The following CCSER1 variants were observed in gnomAD, a reference collection of about 807,000 sequenced individuals.
CCSER1 encodes coiled-coil serine rich protein 1.
CCSER1 carries 41 observed loss-of-function variants against 82.0 expected under a neutral mutation model. The observed-to-expected ratio is 0.50, with a 90% CI of 0.39 to 0.65. The LOEUF is 0.65. Ranked by LOEUF, CCSER1 falls within the 30% of genes least tolerant of loss-of-function variation. The pLI is 0.00. For synonymous variants in CCSER1, 414 were observed against 383.9 expected (o/e 1.08, Z -0.92); for missense variants, 1,119 against 1,064.2 (o/e 1.05, Z -0.72).
At chr4:91,048,193 A>G (rs1000778151) in intron 9 of CCSER1, among the ~76,000 whole-genome samples, 4 of 152,068 alleles carry the variant, frequency 2.6e-5, no homozygotes, top group African/African-American at 7.2e-5. Flanking sequence ...AGAATTACTT[A>G]GCAAGATAGA....
At chr4:90,779,953 C>G (rs1753521961) in intron 7 of CCSER1, among the ~76,000 whole-genome samples, 1 of 152,100 alleles carries the variant, frequency 6.6e-6, no homozygotes, top group Non-Finnish European at 1.5e-5. Context: ...ATATGTGGGC[C>G]TTTGATGATT....
At chr4:90,213,159 A>G (rs1289572197) in intron 1 of CCSER1, among the ~76,000 whole-genome samples, 1 of 152,200 alleles carries the variant, frequency 6.6e-6, no homozygotes, top group African/African-American at 2.4e-5. Flanking sequence ...TAATCAGGAG[A>G]AAGCAATGGT....
intron 1 of CCSER1, among the ~76,000 whole-genome samples, chr4:90,258,959 T>C (rs1293482720): frequency 6.6e-6 from 1 of 152,184 alleles, no homozygotes; most frequent in East Asian, 1.9e-4. Context: ...GCTTTGGTTA[T>C]GTGGGCTCTT....
intron 9 of CCSER1, among the ~76,000 whole-genome samples, chr4:91,060,263 G>A (rs998391344): frequency 2.0e-5 from 3 of 152,018 alleles, no homozygotes; most frequent in Non-Finnish European, 4.4e-5. Context: ...ATTATCAAGT[G>A]TAGCTAAGTA....
intron 10 of CCSER1, among the ~76,000 whole-genome samples, chr4:91,397,012 G>A (rs935911600): frequency 1.3e-5 from 2 of 151,978 alleles, no homozygotes; most frequent in African/African-American, 2.4e-5. Context: ...GCCTAGCCAA[G>A]CAACCAAGCT....
intron 5 of CCSER1, among the ~76,000 whole-genome samples, chr4:90,524,462 T>TTTG (rs1209688192): frequency 6.6e-6 from 1 of 152,140 alleles, no homozygotes; most frequent in African/African-American, 2.4e-5. Flanking sequence ...GATTGTTTTT[T>TTTG]TTGTTGTTGT....
Position 90,303,396 on chromosome 4 carries a change from A to G in CCSER1, c.-41-4848A>G, listed in dbSNP as rs571763717. 8.5e-5 allele frequency among the ~76,000 whole-genome samples: 13 copies of G among 152,270 alleles called. No individual in the cohort carries two copies. The South Asian group carries it at 2.7e-3, about 32-fold the overall frequency. On this transcript the variant is annotated intron_variant, in intron 1 of 10. Transcript: ENST00000509176. Reference sequence around the variant, plus strand: ...GGAGGCATCACACTACCTGACTTCAAACTATACTACAAGGCTACAGTAACC... The same window carrying G: ...GGAGGCATCACACTACCTGACTTCAGACTATACTACAAGGCTACAGTAACC...
At chr4:90,271,815 G>C in intron 1 of CCSER1, among the ~76,000 whole-genome samples, 1 of 107,922 alleles carries the variant, frequency 9.3e-6, no homozygotes, top group South Asian at 3.7e-4. Flanking sequence ...TACTACCTGA[G>C]ACTGGACAAT....
At chr4:90,153,286 T>G (rs1229336286) in intron 1 of CCSER1, among the ~76,000 whole-genome samples, 5 of 152,118 alleles carry the variant, frequency 3.3e-5, no homozygotes, top group Admixed American at 6.5e-5. Flanking sequence ...AGTCTATCAT[T>G]GTTGGACATT....
intron 1 of CCSER1, among the ~76,000 whole-genome samples, chr4:90,233,397 C>G (rs950480758): frequency 6.6e-6 from 1 of 152,052 alleles, no homozygotes; most frequent in African/African-American, 2.4e-5. Context: ...ACCGCATATT[C>G]TCACTCATAG....
chr4:90,174,592 C>T (rs1414040717), intron 1 of CCSER1, among the ~76,000 whole-genome samples: 1 of 151,968 alleles, frequency 6.6e-6, no homozygotes, highest in Non-Finnish European at 1.5e-5. Flanking sequence ...TTTGGCAAGA[C>T]TACAGCAGCA....
chr4:90,686,813 T>C (rs1392376689), intron 6 of CCSER1, among the ~76,000 whole-genome samples: 1 of 152,204 alleles, frequency 6.6e-6, no homozygotes, highest in East Asian at 1.9e-4. Flanking sequence ...ATCCTTGCTT[T>C]ATCTCCTCTC....
intron 5 of CCSER1, among the ~76,000 whole-genome samples, chr4:90,484,081 CT>C (rs1218215559): frequency 1.3e-5 from 2 of 152,116 alleles, no homozygotes; most frequent in Non-Finnish European, 2.9e-5. Context: ...TCTTTTTATT[CT>C]TTTTTCTCTA....
At position 90,443,246 on chromosome 4, in the gene CCSER1, G is replaced by A. The variant is rs1322460552; in HGVS notation, c.1604-24988G>A. On this transcript the variant is annotated intron_variant, in intron 4 of 10. Coordinates refer to ENST00000509176, the MANE Select transcript of CCSER1 (RefSeq NM_001145065.2). ...AAGTTCACCTTTTCACTTAAAGGGAGCACTTTACAGCTTCTCTTTGGTATA... is the reference window on the plus strand; with the variant it reads ...AAGTTCACCTTTTCACTTAAAGGGAACACTTTACAGCTTCTCTTTGGTATA... Among the ~76,000 whole-genome samples, 4 of 152,016 alleles carry A rather than the reference G, an allele frequency of 2.6e-5. No individual in the cohort carries two copies. In the South Asian group the frequency reaches 8.3e-4, roughly 31 times the overall value.
intron 1 of CCSER1, among the ~76,000 whole-genome samples, chr4:90,251,079 A>G (rs1722292229): frequency 6.6e-6 from 1 of 151,718 alleles, no homozygotes; most frequent in Admixed American, 6.6e-5. Context: ...GCAATAGTTT[A>G]TTTTTGTTTG....
chr4:90,555,062 G>C (rs1777951874), intron 5 of CCSER1, among the ~76,000 whole-genome samples: 1 of 151,982 alleles, frequency 6.6e-6, no homozygotes, highest in Admixed American at 6.6e-5. Context: ...TTCTCAGTGG[G>C]AAGTTTGCTG....
chr4:90,640,880 T>C (rs1352101033), intron 6 of CCSER1, among the ~76,000 whole-genome samples: 1 of 152,182 alleles, frequency 6.6e-6, no homozygotes, highest in African/African-American at 2.4e-5. Flanking sequence ...AACATCTTTC[T>C]TTTTTAAATT....
In CCSER1 at chr4:91,090,600, G is replaced by C. The variant is rs561009547; in HGVS notation, c.2217+4606G>C. Among the ~76,000 whole-genome samples, 7 of 152,220 alleles carry C rather than the reference G, an allele frequency of 4.6e-5. No individual in the cohort carries two copies. The East Asian group carries it at 1.2e-3, about 25-fold the overall frequency. ...TTGTCAGGGTGGTTCTTTTGGGCTG[G>C]GAATTCATCAGGAACTGGGTCTGCA... On this transcript the variant is annotated intron_variant, in intron 10 of 10. Transcript: ENST00000509176.
chr4:90,244,837 G>T, intron 1 of CCSER1, among the ~76,000 whole-genome samples: 1 of 152,100 alleles, frequency 6.6e-6, no homozygotes, highest in East Asian at 1.9e-4. Flanking sequence ...GTCTAAAAAT[G>T]TATATGTCAT....
Sources: allele counts gnomAD v4.1 joint callset (sites outside exome capture counted in the v4.1 genomes callset), GRCh38; gene constraint gnomAD v4.1.1; transcripts MANE v1.5; gene names NCBI Gene and HGNC (gene_info 2026-07-23, HGNC 2026-07-21).